The following BEAN1 variants were observed in gnomAD, a reference collection of about 807,000 sequenced individuals.
BEAN1 encodes the protein protein BEAN1.
BEAN1 carries 17 observed loss-of-function variants against 17.7 expected under a neutral mutation model. The ratio of observed to expected loss-of-function variants is 0.96; its 90% CI spans 0.66 to 1.44. The LOEUF (loss-of-function observed/expected upper bound fraction) is 1.44, where lower values mean the gene tolerates loss of function less well. Ranked by LOEUF, BEAN1 falls within the 40% of genes most tolerant of loss-of-function variation. The probability of loss-of-function intolerance (pLI) is 0.00; values close to 1 mark genes in which losing one functional copy is unlikely to be tolerated. For synonymous variants in BEAN1, 142 were observed against 151.8 expected (o/e 0.94, Z 0.47); for missense variants, 359 against 374.1 (o/e 0.96, Z 0.33).
At chr16:66,435,557 G>A (rs1830578675) in intron 1 of BEAN1, among the ~76,000 whole-genome samples, 1 of 152,048 alleles carries the variant, frequency 6.6e-6, no homozygotes, top group South Asian at 2.1e-4. Flanking sequence ...GCATGATCTC[G>A]GCTCACTGCA....
At chr16:66,492,093 G>A (rs28459470) in intron 4 of BEAN1, among the ~76,000 whole-genome samples, 10,170 of 152,186 alleles carry the variant, frequency 0.067, 1,120 homozygotes, top group African/African-American at 0.23. Context: ...CCAGGCTGGA[G>A]TACAGTGGCG....
chr16:66,490,466 A>AT (rs1239766571), intron 4 of BEAN1, among the ~76,000 whole-genome samples: 7 of 148,948 alleles, frequency 4.7e-5, no homozygotes, highest in South Asian at 2.1e-4. Context: ...ATAAAATAAA[A>AT]AGAAACCTCT....
chr16:66,491,419 G>A (rs1411733587), intron 4 of BEAN1, among the ~76,000 whole-genome samples: 1 of 152,216 alleles, frequency 6.6e-6, no homozygotes, highest in Non-Finnish European at 1.5e-5. Context: ...GGGGGATTCA[G>A]CCAGGGGTTG....
chr16:66,492,993 G>A (rs780158769), exon 5 of BEAN1: 10 of 702,964 alleles, frequency 1.4e-5, no homozygotes, highest in African/African-American at 3.5e-5. Context: ...TACTGGGTGC[G>A]ATCTATGCTT....
At chr16:66,491,592 C>A (rs1350906320) in intron 4 of BEAN1, among the ~76,000 whole-genome samples, 4 of 152,172 alleles carry the variant, frequency 2.6e-5, no homozygotes, top group Non-Finnish European at 5.9e-5. Context: ...CGGTCCCCAA[C>A]CTTTTTGGCA....
chr16:66,451,811 A>G (rs772208716), intron 2 of BEAN1, among the ~76,000 whole-genome samples: 20 of 152,214 alleles, frequency 1.3e-4, no homozygotes, highest in Non-Finnish European at 2.8e-4. Context: ...TTATTTAACC[A>G]GAGTTCTGTC....
In BEAN1 at chr16:66,471,944, C is replaced by T. The variant is rs1247774070; in HGVS notation, c.289+2079C>T. Among the ~76,000 whole-genome samples the T allele has an allele frequency of 1.3e-5, 2 of 152,180 alleles. No individual in the cohort carries two copies. Among genetic ancestry groups the T allele is most frequent in the East Asian group, 1.9e-4 (1 of 5,186 alleles). On this transcript the variant is annotated intron_variant, in intron 3 of 4. Transcript: ENST00000536005. This position sits in a 1 kb window ranked among gnomAD's most constrained non-coding sequence, Gnocchi z 4.7. The stretch of plus-strand genomic sequence containing the variant: ...CAGGTCCCCAAGCCCTGGAGGATGC[C>T]GGGTAGACCCAGGATGGTCAGTCTG...
intron 2 of BEAN1, among the ~76,000 whole-genome samples, chr16:66,459,764 C>T (rs1269891120): frequency 6.6e-6 from 1 of 152,176 alleles, no homozygotes; most frequent in East Asian, 1.9e-4. Flanking sequence ...TCAGCAGGGC[C>T]CCAAGATTCT....
rs142124311 is a variant in BEAN1, at chr16:66,481,216, C to A, written c.*291C>A. The A allele has an allele frequency of 4.9e-6, 2 of 407,432 alleles. No homozygotes were observed. Among genetic ancestry groups the A allele is most frequent in the East Asian group, 3.5e-5 (1 of 28,188 alleles). The allele number at this position is 407,432 out of a possible 1,614,324, so 25.2% of individuals were successfully genotyped here. ...TCTCCTGGCCTCCCGTCCCTCCTCC[C>A]GGCCTGTTTGTTGTGCCTCTGTAGA... On this transcript the variant is annotated 3_prime_UTR_variant, in exon 5 of 5. Coordinates refer to ENST00000536005, the MANE Select transcript of BEAN1 (RefSeq NM_001178020.3). The surrounding 1 kb of genome is among the most constrained non-coding windows in gnomAD (Gnocchi z 4.1).
chr16:66,486,881 C>A (rs1167565282), downstream of BEAN1, among the ~76,000 whole-genome samples: 1 of 152,140 alleles, frequency 6.6e-6, no homozygotes, highest in Non-Finnish European at 1.5e-5. Context: ...CAGGGTCAGG[C>A]GGAGAGTGGT....
downstream of BEAN1, chr16:66,485,782 G>A (rs761784406): frequency 6.5e-4 from 102 of 156,660 alleles, no homozygotes; most frequent in Non-Finnish European, 1.3e-3. Flanking sequence ...GTGGCTGCCT[G>A]GTCCACAGCC....
chr16:66,491,030 C>G (rs1049622264), intron 4 of BEAN1, among the ~76,000 whole-genome samples: 6 of 152,210 alleles, frequency 3.9e-5, no homozygotes, highest in South Asian at 2.1e-4. Flanking sequence ...TCCAGCCCCC[C>G]CGAAGCCACC....
At chr16:66,487,089 C>G (rs894504795), downstream of BEAN1, among the ~76,000 whole-genome samples, 1 of 152,100 alleles carries the variant, frequency 6.6e-6, no homozygotes, top group Non-Finnish European at 1.5e-5. Flanking sequence ...CTGCAGGGAG[C>G]CAGCTGAGCT....
intron 2 of BEAN1, among the ~76,000 whole-genome samples, chr16:66,468,940 C>A (rs1350444462): frequency 6.6e-6 from 1 of 152,180 alleles, no homozygotes; most frequent in Non-Finnish European, 1.5e-5. Flanking sequence ...TTGCTCCCAC[C>A]ACACCACATC....
chr16:66,438,975 G>A (rs1026451963), intron 2 of BEAN1, among the ~76,000 whole-genome samples: 1 of 152,084 alleles, frequency 6.6e-6, no homozygotes, highest in African/African-American at 2.4e-5. Flanking sequence ...TCCCCAACTC[G>A]CCATTGTCTG....
rs1597054001 is a variant in BEAN1 at position 66,482,722 on chromosome 16, GA to G, written c.*1799del. On this transcript the variant is annotated 3_prime_UTR_variant, in exon 5 of 5. Coordinates refer to ENST00000536005, the MANE Select transcript of BEAN1 (RefSeq NM_001178020.3). The stretch of plus-strand genomic sequence containing the variant: ...TCATCAGTGTTTGAAAGATGGAGCT[GA>G]ATAGCTTTTCTTGTTCCTGGACTAG... 1 of 380,972 alleles carries G rather than the reference GA, an allele frequency of 2.6e-6. No individual in the cohort carries two copies. Among genetic ancestry groups the G allele is most frequent in the African/African-American group, 2.1e-5 (1 of 47,324 alleles). 23.6% of individuals were successfully genotyped at this position (380,972 alleles called of 1,614,324 possible). A position where few individuals can be genotyped will look rare whatever the true frequency, so the allele number is the denominator to read the frequency against.
chr16:66,469,711 G>C lies in BEAN1; in HGVS notation c.135G>C (p.Val45=), dbSNP rs1238660916. 2 of 1,536,098 alleles carry C rather than the reference G, an allele frequency of 1.3e-6. No homozygotes were observed. Among genetic ancestry groups the C allele is most frequent in the Non-Finnish European group, 1.7e-6 (2 of 1,146,886 alleles). ...PVLVASAVIG[V]VIILSCITII... is the part of the protein sequence containing the mutation. ...TGGTGGCGAGTGCCGTCATAGGTGTGGTCATCATCCTCTCCTGCATCACCA... is the reference window on the plus strand; with the variant it reads ...TGGTGGCGAGTGCCGTCATAGGTGTCGTCATCATCCTCTCCTGCATCACCA... The change falls in exon 3 of 5, where the codon GTG becomes GTC. Residue 45 remains valine (V), a synonymous_variant. Transcript: ENST00000536005.
At chr16:66,437,172 TGA>T (rs1354531184) in intron 1 of BEAN1, among the ~76,000 whole-genome samples, 1 of 152,168 alleles carries the variant, frequency 6.6e-6, no homozygotes, top group African/African-American at 2.4e-5. Flanking sequence ...AAGCCAGCTG[TGA>T]GAGCTTGAAC....
intron 2 of BEAN1, among the ~76,000 whole-genome samples, chr16:66,467,820 C>T (rs903212408): frequency 1.3e-5 from 2 of 152,246 alleles, no homozygotes; most frequent in African/African-American, 4.8e-5. Flanking sequence ...ACACTAGAGC[C>T]TCCATCTCAC....
Sources: allele counts gnomAD v4.1 joint callset (sites outside exome capture counted in the v4.1 genomes callset), GRCh38; gene constraint gnomAD v4.1.1; non-coding constraint Gnocchi (gnomAD v3.1); transcripts MANE v1.5; gene names NCBI Gene and HGNC (gene_info 2026-07-23, HGNC 2026-07-21).